Variants in DPP4 observed in about 807,000 individuals in gnomAD.
DPP4 encodes dipeptidyl peptidase 4.
A neutral mutation model predicts 122.4 loss-of-function variants in DPP4; 93 were observed. The observed-to-expected ratio is 0.76, with a 90% confidence interval of 0.64 to 0.90. The LOEUF (loss-of-function observed/expected upper bound fraction) is 0.90. Ranked by LOEUF, DPP4 falls within the 40% of genes least tolerant of loss-of-function variation. DPP4 has a pLI of 0.00. For missense variants in DPP4, 914 were observed against 907.3 expected (o/e 1.01, Z -0.09); for synonymous variants, 321 against 302.9 (o/e 1.06, Z -0.62).
At chr2:162,034,062 A>ACCTTTTG (rs1304845551) in intron 9 of DPP4, among the ~76,000 whole-genome samples, 2 of 152,010 alleles carry the variant, frequency 1.3e-5, no homozygotes, top group African/African-American at 4.8e-5. Flanking sequence ...GATGCCTGTC[A>ACCTTTTG]GTATGAAGAA....
At chr2:162,049,945 TA>T (rs541271038) in intron 2 of DPP4, among the ~76,000 whole-genome samples, 14 of 152,294 alleles carry the variant, frequency 9.2e-5, no homozygotes, top group African/African-American at 2.9e-4. Context: ...AAAACTAAAG[TA>T]TTTTTTTTTG....
intron 2 of DPP4, among the ~76,000 whole-genome samples, chr2:162,057,088 C>G (rs1015440816): frequency 2.7e-5 from 4 of 150,882 alleles, no homozygotes; most frequent in African/African-American, 9.9e-5. Context: ...TCCCTGCCTG[C>G]CAAATCATCC....
intron 19 of DPP4, 75 bp from the exon 20 acceptor site, chr2:162,012,062 C>A (rs1300483227): frequency 8.3e-6 from 12 of 1,453,894 alleles, no homozygotes; most frequent in Non-Finnish European, 1.1e-5. Flanking sequence ...TTCTCTTCTC[C>A]GTGGAGAAGT....
intron 25 of DPP4, 128 bp from the exon 26 acceptor site, chr2:161,993,512 C>A: frequency 1.6e-6 from 1 of 644,072 alleles, no homozygotes; most frequent in South Asian, 2.4e-5. Flanking sequence ...ATTCCTGAGG[C>A]AGTTTATAAA....
At chr2:161,997,194 T>C (rs572909110) in intron 23 of DPP4, among the ~76,000 whole-genome samples, 13 of 152,290 alleles carry the variant, frequency 8.5e-5, no homozygotes, top group East Asian at 5.8e-4. Flanking sequence ...CTCACCCAAA[T>C]TGAAAATTTT....
intron 2 of DPP4, among the ~76,000 whole-genome samples, chr2:162,067,916 T>C (rs1373004538): frequency 6.6e-6 from 1 of 152,184 alleles, no homozygotes; most frequent in African/African-American, 2.4e-5. Flanking sequence ...TCAGGGAAGG[T>C]TGGTAGTCAA....
chr2:162,017,155 C>T lies in DPP4; in HGVS notation c.1421G>A (p.Gly474Asp). ...TAGAGTATAGAGGGGCAGACCAGGA[C>T]CTGTTAACACAATGGGGGAAAAATG... The part of the protein sequence containing the change: ...EAKYYQLRCS[G>D]PGLPLYTLHS... The change falls in exon 17 of 26, where the codon GGT becomes GAT. Residue 474 changes from glycine (G) to aspartate (D), a missense_variant and splice_region_variant. Gly to Asp is a moderately conservative substitution (Grantham distance 94). Transcript: ENST00000360534. The T allele has an allele frequency of 4.3e-6, 7 of 1,611,184 alleles. No homozygotes were observed. The highest frequency in any genetic ancestry group is 1.1e-5 in the South Asian group (1 of 90,664).
In DPP4 at chr2:162,020,618, C is replaced by G. The variant is rs150619694; in HGVS notation, c.1139G>C (p.Gly380Ala). Residue 380 changes from glycine to alanine, a missense_variant, in exon 13 of 26, where the codon GGT (glycine) becomes GCT (alanine). Coordinates refer to ENST00000360534, the MANE Select transcript of DPP4 (RefSeq NM_001935.4). ...SFYKIISNEE[G>A]YRHICYFQID... ...TTGGAAATAGCAAATGTGTCTGTAA[C>G]CTTCTTCATTGCTGATGATCTTGTA... The G allele has an allele frequency of 1.4e-5, 22 of 1,612,186 alleles. No homozygotes were observed. The highest frequency in any genetic ancestry group is 6.7e-5 in the Admixed American group (4 of 59,700).
rs200348396 is a variant in DPP4 at position 162,014,451 on chromosome 2, T to C, written c.1582A>G (p.Met528Val). Residue 528 changes from methionine to valine, a missense_variant, in exon 19 of 26, where the codon ATG becomes GTG. Coordinates refer to ENST00000360534, the MANE Select transcript of DPP4 (RefSeq NM_001935.4). ...ILNETKFWYQ[M>V]ILPPHFDKSK... ...TTATCAAAATGAGGAGGCAAGATCA[T>C]CTGATACCAAAATTCTAAACAAACA... 8.3e-5 allele frequency: 133 copies of C among 1,607,390 alleles called. No homozygotes were observed. The Middle Eastern group carries it at 3.7e-3, about 45-fold the overall frequency.
chr2:162,027,178 C>G (rs974942190), intron 10 of DPP4, among the ~76,000 whole-genome samples: 1 of 151,948 alleles, frequency 6.6e-6, no homozygotes, highest in Non-Finnish European at 1.5e-5. Flanking sequence ...TGGCAAAACC[C>G]TGACTCTACT....
At chr2:161,994,827 A>T in intron 25 of DPP4, 134 bp downstream of exon 25, 1 of 721,578 alleles carries the variant, frequency 1.4e-6, no homozygotes, top group Admixed American at 2.5e-5. Flanking sequence ...CACTCTTCTG[A>T]CTTCACGTTG....
chr2:161,993,385 C>G lies in DPP4; in HGVS notation c.2200-1G>C. ...TTCCATGGTCTTCATCAGTATACCA[C>G]TAGAGAGAGAAAGAAAAGAAGTTAG... On this transcript the variant is annotated splice_acceptor_variant, in intron 25 of 25. Transcript: ENST00000360534. LOFTEE classifies it high-confidence loss of function. 6.2e-7 allele frequency: 1 copy of G among 1,601,450 alleles called. No homozygotes were observed. Among genetic ancestry groups the G allele is most frequent in the Non-Finnish European group, 8.5e-7 (1 of 1,169,846 alleles).
rs143806961 is a variant in DPP4 at position 162,046,916 on chromosome 2, A to T, written c.284T>A (p.Phe95Tyr). 1 of 1,562,762 alleles carries T rather than the reference A, an allele frequency of 6.4e-7. No individual in the cohort carries two copies. The highest frequency in any genetic ancestry group is 8.8e-7 in the Non-Finnish European group (1 of 1,133,634). The change falls in exon 4 of 26, where the codon TTT (phenylalanine) becomes TAT (tyrosine). Residue 95 changes from phenylalanine (F) to tyrosine (Y), a missense_variant and splice_region_variant. Phe to Tyr is a conservative substitution (Grantham distance 22). Coordinates refer to ENST00000360534, the MANE Select transcript of DPP4 (RefSeq NM_001935.4). ...NSSVFLENST[F>Y]DEFGHSINDY... Reference sequence around the variant, plus strand: ...AATTAATTACGTGATTAAACATACAAATGTACTGTTCTCCAAGAAAACTGA... The same window carrying T: ...AATTAATTACGTGATTAAACATACATATGTACTGTTCTCCAAGAAAACTGA...
At chr2:162,014,024 C>A (rs569589669) in intron 19 of DPP4, among the ~76,000 whole-genome samples, 1 of 152,216 alleles carries the variant, frequency 6.6e-6, no homozygotes, top group East Asian at 1.9e-4. Context: ...CATGAGGCAG[C>A]CAGTGGGAGC....
At chr2:161,996,916 G>C (rs1701021116) in intron 23 of DPP4, among the ~76,000 whole-genome samples, 1 of 152,176 alleles carries the variant, frequency 6.6e-6, no homozygotes, top group South Asian at 2.1e-4. Context: ...GTGGGCTACT[G>C]TAACTCCTCT....
At chr2:161,997,449 CTT>C (rs1701034945) in intron 23 of DPP4, among the ~76,000 whole-genome samples, 1 of 152,104 alleles carries the variant, frequency 6.6e-6, no homozygotes, top group South Asian at 2.1e-4. Context: ...ATGCATTACT[CTT>C]AACATCTAAT....
intron 2 of DPP4, among the ~76,000 whole-genome samples, chr2:162,065,534 T>C (rs568062891): frequency 2.6e-5 from 4 of 152,328 alleles, no homozygotes; most frequent in East Asian, 3.9e-4. Context: ...AACGCTATCA[T>C]TCAAATAACT....
rs141600581 is a variant in DPP4 at position 162,059,780 on chromosome 2, G to T, written c.95-12279C>A. On this transcript the variant is annotated intron_variant, in intron 2 of 25. Transcript: ENST00000360534. ...AGGAATTGCCCCATTCCCAGTATTT[G>T]CCAGGCAAAACATTCAGCAGTATGG... 1.9e-4 allele frequency among the ~76,000 whole-genome samples: 29 copies of T among 152,280 alleles called. No individual in the cohort carries two copies. In the East Asian group the frequency reaches 5.2e-3, roughly 27 times the overall value.
Position 162,074,206 on chromosome 2 carries a change from G to A in DPP4, c.-225C>T, listed in dbSNP as rs1685229191. The A allele has an allele frequency of 1.6e-6, 2 of 1,225,630 alleles. No homozygotes were observed. Among genetic ancestry groups the A allele is most frequent in the African/African-American group, 1.6e-5 (1 of 63,560 alleles). 75.9% of individuals were successfully genotyped at this position (1,225,630 alleles called of 1,614,324 possible). A position where few individuals can be genotyped will look rare whatever the true frequency, so the allele number is the denominator to read the frequency against. On this transcript the variant is annotated 5_prime_UTR_variant, in exon 1 of 26. Transcript: ENST00000360534. ...CGGCGCGGGAGCAGGCGCGCGTGGCGCGGGGCACTGGCATCCCGGCCGGGG... is the reference window on the plus strand; with the variant it reads ...CGGCGCGGGAGCAGGCGCGCGTGGCACGGGGCACTGGCATCCCGGCCGGGG...
Sources: gnomAD v4.1 joint callset for allele counts (sites outside exome capture counted in the v4.1 genomes callset) on GRCh38, gnomAD v4.1.1 for gene constraint, MANE v1.5 for transcripts, NCBI Gene and HGNC (gene_info 2026-07-23, HGNC 2026-07-21) for gene names.